The following SMC1B variants were observed in gnomAD, a reference collection of about 807,000 sequenced individuals.
SMC1B encodes the protein structural maintenance of chromosomes 1B, also known as structural maintenance of chromosomes protein 1B.
Under a neutral mutation model 157.9 loss-of-function variants are expected in SMC1B, and 60 were observed. The ratio of observed to expected loss-of-function variants is 0.38; its 90% CI spans 0.31 to 0.47. The LOEUF is 0.47. SMC1B is among the 20% of genes least tolerant of loss of function. The pLI is 0.99. For synonymous variants in SMC1B, 445 were observed against 483.0 expected, an observed-to-expected ratio of 0.92 and a Z score of 1.03; for missense variants, 1,165 against 1,426.2, an observed-to-expected ratio of 0.82 and a Z score of 2.95.
At chr22:45,381,228 C>T (rs764807474) in intron 12 of SMC1B, among the ~76,000 whole-genome samples, 2 of 152,064 alleles carry the variant, frequency 1.3e-5, no homozygotes, top group Non-Finnish European at 2.9e-5. Flanking sequence ...TCCTAGAACA[C>T]CTCAGATACG....
chr22:45,403,513 G>T (rs1271202148), intron 4 of SMC1B, among the ~76,000 whole-genome samples: 1 of 152,158 alleles, frequency 6.6e-6, no homozygotes, highest in African/African-American at 2.4e-5. Context: ...GAATGCAATG[G>T]CACGATCACA....
chr22:45,361,812 C>A, intron 17 of SMC1B, 27 bp downstream of exon 17: 1 of 1,605,722 alleles, frequency 6.2e-7, no homozygotes, highest in Non-Finnish European at 8.5e-7. Flanking sequence ...CTGACTAGGT[C>A]TTTCAAACTG....
chr22:45,354,004 T>G lies in SMC1B; in HGVS notation c.3247A>C (p.Lys1083Gln), dbSNP rs752084735. 3 of 1,594,470 alleles carry G rather than the reference T, an allele frequency of 1.9e-6. No homozygotes were observed. The African/African-American group carries it at 4.1e-5, about 22-fold the overall frequency. The change falls in exon 21 of 25, where the codon AAG (lysine) becomes CAG (glutamine). Residue 1083 changes from lysine to glutamine, a missense_variant. Lys to Gln is a moderately conservative substitution (Grantham distance 53). Transcript: ENST00000357450. ...VSISIDQIYK[K>Q]LCRNNSAQAF... ...TGGGCGCTGTTGTTTCTGCAGAGCT[T>G]CTTGTAGATTTGATCAATTGAGATT...
At chr22:45,364,312 A>T (rs1161641501) in intron 15 of SMC1B, among the ~76,000 whole-genome samples, 2 of 152,036 alleles carry the variant, frequency 1.3e-5, no homozygotes, top group African/African-American at 2.4e-5. Flanking sequence ...TTTGTTCGAG[A>T]AACATTTTTA....
intron 14 of SMC1B, 124 bp downstream of exon 14, chr22:45,371,347 G>A (rs1188166073): frequency 2.2e-6 from 3 of 1,338,830 alleles, no homozygotes; most frequent in African/African-American, 1.5e-5. Flanking sequence ...TTACAACATT[G>A]TTGTTTCTGA....
chr22:45,379,099 A>G (rs1392689973), intron 12 of SMC1B, among the ~76,000 whole-genome samples: 2 of 152,118 alleles, frequency 1.3e-5, no homozygotes, highest in African/African-American at 2.4e-5. Context: ...CTCCTGCCTC[A>G]GCCTCCTGAG....
intron 23 of SMC1B, 52 bp from the exon 24 acceptor site, chr22:45,345,621 G>A: frequency 1.8e-6 from 2 of 1,113,610 alleles, no homozygotes; most frequent in Non-Finnish European, 1.4e-6. Flanking sequence ...CCTTGTCTGG[G>A]CTCTGGAGAC....
chr22:45,351,723 T>G (rs1229976511), intron 22 of SMC1B, among the ~76,000 whole-genome samples: 1 of 152,200 alleles, frequency 6.6e-6, no homozygotes, highest in African/African-American at 2.4e-5. Context: ...AACTTTTTTC[T>G]ATTTTCTGTA....
chr22:45,378,492 T>TTA (rs1160187509), intron 12 of SMC1B, among the ~76,000 whole-genome samples: 1 of 152,196 alleles, frequency 6.6e-6, no homozygotes, highest in Non-Finnish European at 1.5e-5. Context: ...ATTAACCAAC[T>TTA]TAATCCTCTT....
intron 1 of SMC1B, 88 bp from the exon 2 acceptor site, chr22:45,408,986 T>G (rs2087297153): frequency 2.7e-6 from 2 of 735,010 alleles, no homozygotes; most frequent in Non-Finnish European, 4.4e-6. Context: ...CCAATCGAAG[T>G]GAAATATAGC....
At chr22:45,356,411 G>C (rs942181355) in intron 19 of SMC1B, among the ~76,000 whole-genome samples, 1 of 152,232 alleles carries the variant, frequency 6.6e-6, no homozygotes, top group Non-Finnish European at 1.5e-5. Context: ...GTAAACCAAA[G>C]AGTATCTGAG....
chr22:45,399,385 A>C, intron 5 of SMC1B, 32 bp from the exon 6 acceptor site: 1 of 1,559,292 alleles, frequency 6.4e-7, no homozygotes, highest in Non-Finnish European at 8.6e-7. Flanking sequence ...CTTTAAAGAA[A>C]ATTTCATTTC....
At chr22:45,380,524 T>C (rs1370969598) in intron 12 of SMC1B, among the ~76,000 whole-genome samples, 1 of 152,236 alleles carries the variant, frequency 6.6e-6, no homozygotes, top group East Asian at 1.9e-4. Flanking sequence ...TTTATTACCC[T>C]AATTGAGAAG....
chr22:45,402,208 A>C, intron 5 of SMC1B, 125 bp downstream of exon 5: 3 of 722,676 alleles, frequency 4.2e-6, no homozygotes, highest in Non-Finnish European at 6.9e-6. Flanking sequence ...ATTTTTCTGT[A>C]TATCTAAAAG....
intron 5 of SMC1B, 35 bp from the exon 6 acceptor site, chr22:45,399,388 T>C (rs770970666): frequency 6.5e-7 from 1 of 1,548,900 alleles, no homozygotes; most frequent in Non-Finnish European, 8.7e-7. Flanking sequence ...TAAAGAAAAT[T>C]TCATTTCTTT....
Position 45,394,593 on chromosome 22 carries a change from G to A in SMC1B, c.1337+92C>T, listed in dbSNP as rs558440775. On this transcript the variant is annotated intron_variant, in intron 8 of 24. Transcript: ENST00000357450. The stretch of plus-strand genomic sequence containing the variant: ...TGAGGCTACCGTAAGCCATGACTGC[G>A]CCACTGCACTCTGGCCTGGGCGATG... The A allele has an allele frequency of 4.4e-4, 580 of 1,305,714 alleles. 4 individuals are homozygous for A. In the African/African-American group the frequency reaches 7.9e-3, roughly 18 times the overall value. 80.9% of individuals were successfully genotyped at this position (1,305,714 alleles called of 1,614,324 possible).
rs2086646037 is a variant in SMC1B, at chr22:45,354,100, A to G, written c.3151T>C (p.Cys1051Arg). ...FEASRKEARL[C>R]RQEFEQVKKR... ...TTCACTTGCTCGAACTCTTGCCTAC[A>G]CAGTCTGGCTTCCTTTCTGCTGGCC... Residue 1051 changes from cysteine to arginine, a missense_variant, in exon 21 of 25, where the codon TGT becomes CGT. Cys to Arg is a radical substitution (Grantham distance 180). Coordinates refer to ENST00000357450, the MANE Select transcript of SMC1B (RefSeq NM_148674.5). The G allele has an allele frequency of 1.9e-6, 3 of 1,593,764 alleles. No homozygotes were observed. The highest frequency in any genetic ancestry group is 2.6e-6 in the Non-Finnish European group (3 of 1,173,094).
intron 5 of SMC1B, among the ~76,000 whole-genome samples, chr22:45,400,129 C>CAGCTGAGAA (rs1460799988): frequency 6.6e-6 from 1 of 152,152 alleles, no homozygotes. Context: ...CTAGTTCCAA[C>CAGCTGAGAA]AGCTGAGAAA....
chr22:45,371,693 A>G (rs1055867213), intron 13 of SMC1B, 106 bp from the exon 14 acceptor site: 2 of 1,313,908 alleles, frequency 1.5e-6, no homozygotes, highest in Non-Finnish European at 1.0e-6. Flanking sequence ...AATCTATGAG[A>G]TAAGATGAAT....
Sources: allele counts gnomAD v4.1 joint callset (sites outside exome capture counted in the v4.1 genomes callset), GRCh38; gene constraint gnomAD v4.1.1; transcripts MANE v1.5; gene names NCBI Gene and HGNC (gene_info 2026-07-23, HGNC 2026-07-21).